The following SPEN variants were observed in gnomAD, a reference collection of about 807,000 sequenced individuals.
SPEN encodes msx2-interacting protein.
Under a neutral mutation model 269.9 loss-of-function variants are expected in SPEN, and 18 were observed. The observed-to-expected ratio is 0.07, with a 90% CI of 0.05 to 0.10. The LOEUF (loss-of-function observed/expected upper bound fraction) is 0.10, where lower values mean the gene tolerates loss of function less well. Ranked by LOEUF, SPEN falls within the 10% of genes least tolerant of loss-of-function variation. SPEN has a pLI of 1.00. For missense variants in SPEN, 3,822 were observed against 4,631.2 expected (o/e 0.83, Z 5.07); for synonymous variants, 1,726 against 1,765.7 (o/e 0.98, Z 0.56).
chr1:15,905,247 G>A (rs770822617), intron 3 of SPEN, among the ~76,000 whole-genome samples: 2 of 151,014 alleles, frequency 1.3e-5, no homozygotes, highest in Non-Finnish European at 2.9e-5. Context: ...TCAAGATGGA[G>A]TTTTGCTGTT....
intron 3 of SPEN, among the ~76,000 whole-genome samples, chr1:15,878,432 C>G: frequency 6.6e-6 from 1 of 152,112 alleles, no homozygotes; most frequent in East Asian, 1.9e-4. Context: ...TAAAATGAAA[C>G]AAGCACCTAG....
chr1:15,877,034 A>G (rs1310936646), intron 3 of SPEN, among the ~76,000 whole-genome samples: 2 of 152,136 alleles, frequency 1.3e-5, no homozygotes, highest in Admixed American at 6.5e-5. Flanking sequence ...ATTTATTTCT[A>G]TTATTTTGAT....
At position 15,918,319 on chromosome 1, in the gene SPEN, A is replaced by G. The variant is rs553364086; in HGVS notation, c.1396-607A>G. Among the ~76,000 whole-genome samples the G allele has an allele frequency of 7.9e-5, 12 of 152,366 alleles. No individual in the cohort carries two copies. The South Asian group carries it at 2.5e-3, about 32-fold the overall frequency. ...CCGCAACCTCTGCCTCCCGGGTTCA[A>G]GCGATTCTCTTGCCTCAGCCTTCAG... On this transcript the variant is annotated intron_variant, in intron 6 of 14. Coordinates refer to ENST00000375759, the MANE Select transcript of SPEN (RefSeq NM_015001.3).
In SPEN at chr1:15,929,907, C is replaced by G. The variant is rs2071204416; in HGVS notation, c.3667C>G (p.Pro1223Ala). The change falls in exon 11 of 15, where the codon CCT becomes GCT. Residue 1223 changes from proline (P) to alanine (A), a missense_variant. Pro to Ala is a conservative substitution (Grantham distance 27). Transcript: ENST00000375759. This position sits in a 1 kb window ranked among gnomAD's most constrained non-coding sequence, Gnocchi z 5.8. ...CCCTCAAGATGTCACTGATGACTCT[C>G]CTCCTAGCAAAAAGAAAAGGATGGA... is the stretch of plus-strand genomic sequence containing the variant. ...KPPQDVTDDS[P>A]PSKKKRMDHV... 1 of 1,614,120 alleles carries G rather than the reference C, an allele frequency of 6.2e-7. No individual in the cohort carries two copies. The highest frequency in any genetic ancestry group is 8.5e-7 in the Non-Finnish European group (1 of 1,180,010).
chr1:15,933,371 C>A lies in SPEN; in HGVS notation c.7131C>A (p.His2377Gln). 1 of 1,614,120 alleles carries A rather than the reference C, an allele frequency of 6.2e-7. No homozygotes were observed. Among genetic ancestry groups the A allele is most frequent in the Non-Finnish European group, 8.5e-7 (1 of 1,180,026 alleles). ...PAANEGTTVQ[H>Q]PEAPQEEKQS... ...CAAATGAGGGGACAACAGTACAGCA[C>A]CCCGAAGCCCCACAGGAAGAAAAGC... The change falls in exon 11 of 15, where the codon CAC (histidine) becomes CAA (glutamine). Residue 2377 changes from histidine (H) to glutamine (Q), a missense_variant. By Grantham distance (24) the His-to-Gln change is conservative. This residue lies in a region of SPEN where 727 missense variants were observed against 737.9 expected (regional missense o/e 0.99). Transcript: ENST00000375759. This position sits in a 1 kb window ranked among gnomAD's most constrained non-coding sequence, Gnocchi z 5.7.
In SPEN at chr1:15,930,389, C is replaced by T. The variant is rs763337199; in HGVS notation, c.4149C>T (p.Asp1383=). Residue 1383 remains aspartate, a synonymous_variant, in exon 11 of 15, where the codon GAC becomes GAT. Transcript: ENST00000375759. This position sits in a 1 kb window ranked among gnomAD's most constrained non-coding sequence, Gnocchi z 5.3. ...CTGGTGAGGTGCCTTCTGATTCTGA[C>T]GAAGATGGTGAACACAAATCCCACT... is the stretch of plus-strand genomic sequence containing the variant. ...LEPGEVPSDS[D]EDGEHKSHSP... 43 of 1,613,542 alleles carry T rather than the reference C, an allele frequency of 2.7e-5. No individual in the cohort carries two copies. Among genetic ancestry groups the T allele is most frequent in the Non-Finnish European group, 3.1e-5 (37 of 1,179,738 alleles).
At chr1:15,869,431 A>C (rs1284369190) in intron 1 of SPEN, among the ~76,000 whole-genome samples, 1 of 152,174 alleles carries the variant, frequency 6.6e-6, no homozygotes, top group East Asian at 1.9e-4. Context: ...GTTACAAAAA[A>C]GGTAATATAA....
intron 10 of SPEN, among the ~76,000 whole-genome samples, chr1:15,924,697 T>C (rs747364452): frequency 2.0e-5 from 3 of 152,150 alleles, no homozygotes; most frequent in Non-Finnish European, 2.9e-5. Context: ...TGACCTCAGG[T>C]GATCCGCCTG....
chr1:15,871,734 A>G (rs1240071167), intron 1 of SPEN, among the ~76,000 whole-genome samples: 3 of 152,224 alleles, frequency 2.0e-5, no homozygotes, highest in African/African-American at 4.8e-5. Flanking sequence ...ATTTGGATTT[A>G]CTTTTGCCTT....
At chr1:15,898,861 C>A (rs1261117187) in intron 3 of SPEN, among the ~76,000 whole-genome samples, 1 of 152,126 alleles carries the variant, frequency 6.6e-6, no homozygotes, top group African/African-American at 2.4e-5. Flanking sequence ...CTGCACCCAG[C>A]CAAAATTTCC....
At chr1:15,899,543 T>TTG in intron 3 of SPEN, among the ~76,000 whole-genome samples, 1 of 147,388 alleles carries the variant, frequency 6.8e-6, no homozygotes, top group Non-Finnish European at 1.5e-5. Context: ...CAGAGTTTTT[T>TTG]TTTTTTTTTT....
In SPEN at chr1:15,931,509, C is replaced by G; in HGVS notation, c.5269C>G (p.Gln1757Glu). 3 of 1,614,148 alleles carry G rather than the reference C, an allele frequency of 1.9e-6. No homozygotes were observed. The highest frequency in any genetic ancestry group is 2.5e-6 in the Non-Finnish European group (3 of 1,180,044). The change falls in exon 11 of 15, where the codon CAG (glutamine) becomes GAG (glutamate). Residue 1757 changes from glutamine to glutamate, a missense_variant. By Grantham distance (29) the Gln-to-Glu change is conservative. Transcript: ENST00000375759. The surrounding 1 kb of genome is among the most constrained non-coding windows in gnomAD (Gnocchi z 4.8). ...CGTAGATCCAGAGCCTGACAGTACC[C>G]AGCCACTTTCAAAACCAGCTCAGAA... ...SNVDPEPDST[Q>E]PLSKPAQKSE...
intron 2 of SPEN, among the ~76,000 whole-genome samples, chr1:15,875,088 C>T (rs1447689786): frequency 6.6e-6 from 1 of 152,148 alleles, no homozygotes; most frequent in Non-Finnish European, 1.5e-5. Context: ...TGAAGAGAAA[C>T]TCCAGTGAAA....
rs375093324 is a variant in SPEN, at chr1:15,937,132, T to C, written c.10027-31T>C. On this transcript the variant is annotated intron_variant, in intron 11 of 14. Transcript: ENST00000375759. This position sits in a 1 kb window ranked among gnomAD's most constrained non-coding sequence, Gnocchi z 5.7. ...AGGGGCTTGTGCACAACAGACTGAC[T>C]CTGTCCCTTTGCCTTCCTTCCCTAC... 55 of 1,594,458 alleles carry C rather than the reference T, an allele frequency of 3.4e-5. No individual in the cohort carries two copies. The African/African-American group carries it at 6.7e-4, about 19-fold the overall frequency.
At chr1:15,861,497 T>C (rs2070448495) in intron 1 of SPEN, among the ~76,000 whole-genome samples, 1 of 152,162 alleles carries the variant, frequency 6.6e-6, no homozygotes, top group Non-Finnish European at 1.5e-5. Flanking sequence ...TATTTGTATA[T>C]TTCCCATAGT....
intron 1 of SPEN, among the ~76,000 whole-genome samples, chr1:15,861,850 G>A (rs112413325): frequency 0.02 from 3,050 of 152,216 alleles, 111 homozygotes; most frequent in African/African-American, 0.068. Context: ...GACCAGCCTG[G>A]TCAATATGGT....
chr1:15,894,963 C>T (rs1055869088), intron 3 of SPEN, among the ~76,000 whole-genome samples: 2 of 151,834 alleles, frequency 1.3e-5, no homozygotes, highest in Non-Finnish European at 2.9e-5. Context: ...GCTCTTGTTG[C>T]CCAGGCTGGA....
intron 1 of SPEN, among the ~76,000 whole-genome samples, chr1:15,871,310 G>A (rs2070570506): frequency 6.6e-6 from 1 of 151,384 alleles, no homozygotes; most frequent in Admixed American, 6.6e-5. Context: ...AACCTAATCG[G>A]GATTAGAACC....
intron 8 of SPEN, among the ~76,000 whole-genome samples, 159 bp downstream of exon 8, chr1:15,919,676 G>A (rs761393520): frequency 1.3e-5 from 2 of 152,180 alleles, no homozygotes; most frequent in Admixed American, 6.5e-5. Context: ...ATTTGCATCT[G>A]TTGCCTTAAG....
Sources: gnomAD v4.1 joint callset for allele counts (sites outside exome capture counted in the v4.1 genomes callset) on GRCh38, gnomAD v4.1.1 for gene constraint, gnomAD v4.1.1 regional missense constraint, Gnocchi (gnomAD v3.1) non-coding constraint, MANE v1.5 for transcripts, NCBI Gene and HGNC (gene_info 2026-07-23, HGNC 2026-07-21) for gene names.